The following HJURP variants were observed in gnomAD, a reference collection of about 807,000 sequenced individuals.
HJURP encodes 14-3-3-associated AKT substrate.
HJURP carries 49 observed loss-of-function variants against 72.0 expected under a neutral mutation model. The ratio of observed to expected loss-of-function variants is 0.68; its 90% CI spans 0.54 to 0.86. HJURP has a LOEUF of 0.86. Among genes scored for constraint, HJURP ranks in the 40% least tolerant of loss-of-function variants. The probability of loss-of-function intolerance (pLI) is 0.00; values close to 1 mark genes in which losing one functional copy is unlikely to be tolerated. For missense variants in HJURP, 908 were observed against 936.3 expected (o/e 0.97, Z 0.39); for synonymous variants, 357 against 347.1 (o/e 1.03, Z -0.32).
Position 233,841,824 on chromosome 2 carries a change from C to A in HJURP, c.956G>T (p.Ser319Ile), listed in dbSNP as rs1249604782. 6.2e-7 allele frequency: 1 copy of A among 1,614,032 alleles called. No homozygotes were observed. Among genetic ancestry groups the A allele is most frequent in the Non-Finnish European group, 8.5e-7 (1 of 1,180,008 alleles). ...YCKGARRSQR[S>I]SKENFIPCSE... Reference sequence around the variant, plus strand: ...GCAGGGTATGAAGTTCTCCTTGGAGCTCCTCTGAGAACGTCTGGCTCCTTT... The same window carrying A: ...GCAGGGTATGAAGTTCTCCTTGGAGATCCTCTGAGAACGTCTGGCTCCTTT... The change falls in exon 8 of 9, where the codon AGC becomes ATC. Residue 319 changes from serine (S) to isoleucine (I), a missense_variant. This residue lies in a region of HJURP where 598 missense variants were observed against 619.5 expected (regional missense o/e 0.97). Transcript: ENST00000411486.
intron 3 of HJURP, among the ~76,000 whole-genome samples, chr2:233,851,607 A>G (rs1034556480): frequency 2.0e-5 from 3 of 152,154 alleles, no homozygotes; most frequent in Admixed American, 6.5e-5. Flanking sequence ...ATAATTATAC[A>G]ACAGTTGATG....
chr2:233,839,279 T>C (rs1705156891), intron 8 of HJURP, among the ~76,000 whole-genome samples: 1 of 152,186 alleles, frequency 6.6e-6, no homozygotes, highest in Non-Finnish European at 1.5e-5. Flanking sequence ...GCACCCACCA[T>C]GTGCAGCCCC....
intron 7 of HJURP, among the ~76,000 whole-genome samples, chr2:233,843,070 T>A (rs1330917227): frequency 2.0e-5 from 3 of 152,142 alleles, no homozygotes; most frequent in Admixed American, 6.5e-5. Context: ...ACTCCATGAA[T>A]TCCTACTGAT....
intron 4 of HJURP, among the ~76,000 whole-genome samples, chr2:233,849,063 C>G (rs1175564640): frequency 6.6e-6 from 1 of 152,172 alleles, no homozygotes; most frequent in Non-Finnish European, 1.5e-5. Flanking sequence ...AGAAACCTCA[C>G]CCAGAGTTGG....
rs1705242211 is a variant in HJURP at position 233,841,889 on chromosome 2, C to T, written c.891G>A (p.Arg297=). The T allele has an allele frequency of 1.9e-6, 3 of 1,614,230 alleles. No homozygotes were observed. The highest frequency in any genetic ancestry group is 2.2e-5 in the East Asian group (1 of 44,892). The change falls in exon 8 of 9, where the codon AGG becomes AGA. Residue 297 remains arginine, a synonymous_variant. Transcript: ENST00000411486. ...TFIMQNWNSR[R]RHRYKSRMNK... ...TCATCCTGCTCTTATATCTGTGCCTCCTCCTGGAGTTCCAGTTTTGCATGA... is the reference window on the plus strand; with the variant it reads ...TCATCCTGCTCTTATATCTGTGCCTTCTCCTGGAGTTCCAGTTTTGCATGA...
rs767478202 is a variant in HJURP, at chr2:233,837,277, C to G, written c.*300G>C. 3 of 348,390 alleles carry G rather than the reference C, an allele frequency of 8.6e-6. No individual in the cohort carries two copies. Among genetic ancestry groups the G allele is most frequent in the Non-Finnish European group, 1.6e-5 (3 of 192,452 alleles). 21.6% of individuals were successfully genotyped at this position (348,390 alleles called of 1,614,324 possible). ...CTCCAGCCTGGGCGATAGAGAGAGACTGTCTCAAAAACAAACAAACAAACA... is the reference window on the plus strand; with the variant it reads ...CTCCAGCCTGGGCGATAGAGAGAGAGTGTCTCAAAAACAAACAAACAAACA... On this transcript the variant is annotated 3_prime_UTR_variant, in exon 9 of 9. Coordinates refer to ENST00000411486, the MANE Select transcript of HJURP (RefSeq NM_018410.5).
In HJURP at chr2:233,837,661, AAAAAAAGAC is replaced by A; in HGVS notation, c.2172-18_2172-10del. The A allele has an allele frequency of 6.4e-7, 1 of 1,564,768 alleles. No homozygotes were observed. Among genetic ancestry groups the A allele is most frequent in the Non-Finnish European group, 8.7e-7 (1 of 1,152,214 alleles). On this transcript the variant is annotated splice_polypyrimidine_tract_variant and intron_variant, in intron 8 of 8. Transcript: ENST00000411486. ...AAGACGTGTTCTCTCCTCTAGGAAA[AAAAAAAGAC>A]AAAGAAAATGATGTTAGCAAAATTC...
intron 1 of HJURP, 21 bp from the exon 2 acceptor site, chr2:233,853,931 T>G (rs1358876468): frequency 3.1e-6 from 5 of 1,611,570 alleles, no homozygotes; most frequent in Non-Finnish European, 4.2e-6. Flanking sequence ...GGAAGGGGCT[T>G]CCTGTCAGGT....
At chr2:233,843,721 G>A (rs971425648) in intron 7 of HJURP, among the ~76,000 whole-genome samples, 27 of 152,186 alleles carry the variant, frequency 1.8e-4, no homozygotes, top group Non-Finnish European at 3.5e-4. Flanking sequence ...CTGGCACAAT[G>A]GGTAGAACAG....
At position 233,841,134 on chromosome 2, in the gene HJURP, G is replaced by C. The variant is rs3821238; in HGVS notation, c.1646C>G (p.Ser549Cys). 0.11 allele frequency: 170,947 copies of C among 1,613,960 alleles called. 11,324 individuals carry two copies. The highest frequency in any genetic ancestry group is 0.34 in the East Asian group (15,426 of 44,856). Reference protein sequence around the residue: ...TSDLHVQGNSSGIFRKSVSPS... With the variant: ...TSDLHVQGNSCGIFRKSVSPS... ...TGACACTGACTTTCTAAATATTCCA[G>C]AACTATTTCCCTGAACGTGAAGGTC... The change falls in exon 8 of 9, where the codon TCT becomes TGT. Residue 549 changes from serine to cysteine, a missense_variant. Ser to Cys is a moderately radical substitution (Grantham distance 112). Around this residue, in one of 3 missense-constraint regions of HJURP, gnomAD observed 598 missense variants for 619.5 expected, o/e 0.97. Coordinates refer to ENST00000411486, the MANE Select transcript of HJURP (RefSeq NM_018410.5).
At chr2:233,844,418 A>G (rs764481451) in intron 6 of HJURP, 135 bp from the exon 7 acceptor site, 21 of 695,290 alleles carry the variant, frequency 3.0e-5, no homozygotes, top group Non-Finnish European at 4.6e-5. Flanking sequence ...ATGTGGTGAC[A>G]GTGGCCAGCT....
chr2:233,844,407 A>C (rs1474963936), intron 6 of HJURP, 124 bp from the exon 7 acceptor site: 2 of 735,766 alleles, frequency 2.7e-6, no homozygotes, highest in African/African-American at 3.5e-5. Flanking sequence ...CAAGCGTGTG[A>C]ATGTGGTGAC....
Position 233,841,281 on chromosome 2 carries a change from G to C in HJURP, c.1499C>G (p.Ala500Gly), listed in dbSNP as rs751079082. 12 of 1,614,094 alleles carry C rather than the reference G, an allele frequency of 7.4e-6. No individual in the cohort carries two copies. Among genetic ancestry groups the C allele is most frequent in the Non-Finnish European group, 8.5e-6 (10 of 1,179,946 alleles). The change falls in exon 8 of 9, where the codon GCT becomes GGT. Residue 500 changes from alanine (A) to glycine (G), a missense_variant. This residue lies in a region of HJURP where 598 missense variants were observed against 619.5 expected (regional missense o/e 0.97). Transcript: ENST00000411486. ...AGATCTTTTGCCTAGGTTTTCAAAA[G>C]CCTCACTTAAACTTTTTGCTTTTGC... ...SKAKAKSLSE[A>G]FENLGKRSLE...
rs1420182406 is a variant in HJURP, at chr2:233,843,500, C to T, written c.574+705G>A. 5.3e-5 allele frequency among the ~76,000 whole-genome samples: 8 copies of T among 152,082 alleles called. No individual in the cohort carries two copies. The South Asian group carries it at 1.7e-3, about 32-fold the overall frequency. ...CCAAAAATGTTTAACGTGAACCTAA[C>T]CACGAGGAAGCAATCAGGTCCAAAT... On this transcript the variant is annotated intron_variant, in intron 7 of 8. Coordinates refer to ENST00000411486, the MANE Select transcript of HJURP (RefSeq NM_018410.5).
Position 233,840,807 on chromosome 2 carries a change from G to T in HJURP, c.1973C>A (p.Ala658Asp). Residue 658 changes from alanine (A) to aspartate (D), a missense_variant, in exon 8 of 9, where the codon GCT becomes GAT. Around this residue, in one of 3 missense-constraint regions of HJURP, gnomAD observed 598 missense variants for 619.5 expected, o/e 0.97. Coordinates refer to ENST00000411486, the MANE Select transcript of HJURP (RefSeq NM_018410.5). ...ACGAGCAACACATGTAGATGAAGGA[G>T]CCTCAATTGCAGTTGAGCCCAGTAG... is the stretch of plus-strand genomic sequence containing the variant. ...KSLLGSTAIEAPSSTCVARAI... is the reference protein window; with the variant it reads ...KSLLGSTAIEDPSSTCVARAI... 1 of 1,613,450 alleles carries T rather than the reference G, an allele frequency of 6.2e-7. No individual in the cohort carries two copies. Among genetic ancestry groups the T allele is most frequent in the Non-Finnish European group, 8.5e-7 (1 of 1,179,806 alleles).
rs1301877511 is a variant in HJURP, at chr2:233,849,796, C to G, written c.304G>C (p.Glu102Gln). The G allele has an allele frequency of 6.4e-7, 1 of 1,554,978 alleles. No individual in the cohort carries two copies. ...GSVQAAAWGP[E>Q]LPSHRTVLGA... Reference sequence around the variant, plus strand: ...AGGACTGTGCGGTGCGAGGGAAGCTCAGGACCCCAGGCTGCAGCTTGCACG... The same window carrying G: ...AGGACTGTGCGGTGCGAGGGAAGCTGAGGACCCCAGGCTGCAGCTTGCACG... Residue 102 changes from glutamate to glutamine, a missense_variant, in exon 4 of 9, where the codon GAG becomes CAG. By Grantham distance (29) the Glu-to-Gln change is conservative (BLOSUM62 2). This residue lies in a region of HJURP where 299 missense variants were observed against 286.7 expected (regional missense o/e 1.04). Transcript: ENST00000411486.
rs1485119536 is a variant in HJURP at position 233,845,729 on chromosome 2, T to C, written c.494A>G (p.Glu165Gly). ...ACAAACAACTGGGAAACAGATTACC[T>C]CAAAATACTCTGCACCTTGTAGCAG... ...DILLQGAEYF[E>G]CAGNRAGRDV... The change falls in exon 6 of 9, where the codon GAG becomes GGG. Residue 165 changes from glutamate to glycine, a missense_variant and splice_region_variant. Around this residue, in one of 3 missense-constraint regions of HJURP, gnomAD observed 299 missense variants for 286.7 expected, o/e 1.04. Coordinates refer to ENST00000411486, the MANE Select transcript of HJURP (RefSeq NM_018410.5). 6 of 1,585,486 alleles carry C rather than the reference T, an allele frequency of 3.8e-6. No individual in the cohort carries two copies. In the African/African-American group the frequency reaches 8.1e-5, roughly 21 times the overall value.
intron 3 of HJURP, among the ~76,000 whole-genome samples, chr2:233,851,677 T>C (rs1349394817): frequency 6.6e-6 from 1 of 152,212 alleles, no homozygotes; most frequent in East Asian, 1.9e-4. Flanking sequence ...AATGCATTTA[T>C]AAAGATATGT....
chr2:233,842,403 G>A (rs1027764783), intron 7 of HJURP, among the ~76,000 whole-genome samples, 198 bp from the exon 8 acceptor site: 3 of 152,052 alleles, frequency 2.0e-5, no homozygotes, highest in Non-Finnish European at 4.4e-5. Flanking sequence ...ACTCTCCATC[G>A]TACATTTCCC....
Sources: allele counts gnomAD v4.1 joint callset (sites outside exome capture counted in the v4.1 genomes callset), GRCh38; gene constraint gnomAD v4.1.1; regional missense constraint gnomAD v4.1.1; transcripts MANE v1.5; gene names NCBI Gene and HGNC (gene_info 2026-07-23, HGNC 2026-07-21).